The following WDR43 variants were observed in gnomAD, a reference collection of about 807,000 sequenced individuals.
WDR43 encodes WD repeat-containing protein 43.
Under a neutral mutation model 91.4 loss-of-function variants are expected in WDR43, and 13 were observed. The observed-to-expected ratio is 0.14, with a 90% confidence interval of 0.09 to 0.23. The LOEUF (loss-of-function observed/expected upper bound fraction) is 0.23, where lower values mean the gene tolerates loss of function less well. Among genes scored for constraint, WDR43 ranks in the 10% least tolerant of loss-of-function variants. The pLI is 1.00. For missense variants in WDR43, 780 were observed against 809.4 expected, an observed-to-expected ratio of 0.96 and a Z score of 0.44; for synonymous variants, 331 against 287.9, an observed-to-expected ratio of 1.15 and a Z score of -1.51.
At chr2:28,915,027 A>G (rs1670879273) in intron 5 of WDR43, among the ~76,000 whole-genome samples, 1 of 152,208 alleles carries the variant, frequency 6.6e-6, no homozygotes, top group African/African-American at 2.4e-5. Context: ...GCTTGAAAAA[A>G]AAACCACCTT....
intron 11 of WDR43, chr2:28,930,296 A>G (rs1009306832): frequency 3.6e-5 from 12 of 333,042 alleles, no homozygotes; most frequent in African/African-American, 1.9e-4. Context: ...ACTCAGTTTG[A>G]TTCTCTTAAA....
In WDR43 at chr2:28,926,523, G is replaced by T; in HGVS notation, c.1142G>T (p.Trp381Leu). ...TTAGTAAGAGATATTTCAAACTGCTGGGCCCCCAAAGTAGAAACAGCTATA... is the reference window on the plus strand; with the variant it reads ...TTAGTAAGAGATATTTCAAACTGCTTGGCCCCCAAAGTAGAAACAGCTATA... Reference protein sequence around the residue: ...MCLVRDISNCWAPKVETAITK... With the variant: ...MCLVRDISNCLAPKVETAITK... Residue 381 changes from tryptophan to leucine, a missense_variant, in exon 9 of 18, where the codon TGG (tryptophan) becomes TTG (leucine). Physicochemically the swap from Trp to Leu is moderately conservative, Grantham distance 61. Coordinates refer to ENST00000407426, the MANE Select transcript of WDR43 (RefSeq NM_015131.3). 1 of 1,599,442 alleles carries T rather than the reference G, an allele frequency of 6.3e-7. No homozygotes were observed. Among genetic ancestry groups the T allele is most frequent in the East Asian group, 2.2e-5 (1 of 44,588 alleles).
chr2:28,944,900 A>G (rs1217994675), intron 16 of WDR43, among the ~76,000 whole-genome samples: 2 of 152,250 alleles, frequency 1.3e-5, no homozygotes, highest in East Asian at 1.9e-4. Context: ...CACGCTGCAC[A>G]TAACAGGGCG....
chr2:28,927,082 C>T (rs139731773), intron 9 of WDR43: 62 of 519,564 alleles, frequency 1.2e-4, no homozygotes, highest in African/African-American at 6.5e-4. Flanking sequence ...ATGATGACAT[C>T]CATATGGTTT....
chr2:28,918,321 GGT>G (rs10578792), intron 6 of WDR43, among the ~76,000 whole-genome samples: 38,618 of 150,534 alleles, frequency 0.26, 6,039 homozygotes, highest in East Asian at 0.75. Context: ...TCCTAACTAA[GGT>G]GTGTGTGTGT....
chr2:28,918,387 A>C (rs1022545032), intron 6 of WDR43, among the ~76,000 whole-genome samples: 4 of 150,722 alleles, frequency 2.7e-5, no homozygotes, highest in Non-Finnish European at 3.0e-5. Flanking sequence ...CATTTTTTTG[A>C]GACGGAGTTT....
chr2:28,917,328 A>G (rs1439231842), intron 5 of WDR43, among the ~76,000 whole-genome samples: 1 of 152,158 alleles, frequency 6.6e-6, no homozygotes, highest in Non-Finnish European at 1.5e-5. Flanking sequence ...AATAATGACA[A>G]TCAACTGCAT....
intron 3 of WDR43, among the ~76,000 whole-genome samples, chr2:28,911,638 C>CT (rs35435629): frequency 0.17 from 24,081 of 145,106 alleles, 2,322 homozygotes; most frequent in Middle Eastern, 0.26. Flanking sequence ...TGTTACTTGC[C>CT]TTTTTTTTTT....
At chr2:28,915,248 A>T (rs1670883529) in intron 5 of WDR43, among the ~76,000 whole-genome samples, 2 of 152,194 alleles carry the variant, frequency 1.3e-5, no homozygotes, top group Non-Finnish European at 2.9e-5. Context: ...ATAATTCCTA[A>T]TTATGTCTCT....
intron 2 of WDR43, among the ~76,000 whole-genome samples, chr2:28,903,972 T>C (rs1670626227): frequency 6.6e-6 from 1 of 152,016 alleles, no homozygotes; most frequent in Non-Finnish European, 1.5e-5. Context: ...AGCTGGCTCA[T>C]TTTTGTATTT....
intron 2 of WDR43, 23 bp from the exon 3 acceptor site, chr2:28,906,434 ATTT>A (rs36066576): frequency 7.3e-4 from 1,023 of 1,396,026 alleles, no homozygotes; most frequent in East Asian, 4.5e-3. Flanking sequence ...CCAGCCTTAA[ATTT>A]TTTTTTTTTT....
intron 6 of WDR43, among the ~76,000 whole-genome samples, chr2:28,918,729 T>C (rs905509309): frequency 6.6e-6 from 1 of 152,120 alleles, no homozygotes; most frequent in Admixed American, 6.6e-5. Context: ...AAAAAAAGAA[T>C]TTTTCATGTA....
chr2:28,897,492 C>T (rs1670505525), intron 1 of WDR43, among the ~76,000 whole-genome samples: 1 of 152,088 alleles, frequency 6.6e-6, no homozygotes, highest in Non-Finnish European at 1.5e-5. Flanking sequence ...TTTTAGGATC[C>T]TCAGGATCAA....
At chr2:28,931,604 T>G (rs1671245639) in intron 11 of WDR43, among the ~76,000 whole-genome samples, 1 of 152,214 alleles carries the variant, frequency 6.6e-6, no homozygotes, top group Non-Finnish European at 1.5e-5. Context: ...CTTGAAGATC[T>G]AGATCTAGTT....
intron 15 of WDR43, 121 bp from the exon 16 acceptor site, chr2:28,942,191 C>A: frequency 1.2e-6 from 1 of 868,542 alleles, no homozygotes; most frequent in Non-Finnish European, 1.9e-6. Context: ...TGAAGGTCCT[C>A]CATTATGGTG....
At chr2:28,926,937 C>T (rs924733222) in intron 9 of WDR43, 11 of 384,956 alleles carry the variant, frequency 2.9e-5, no homozygotes, top group Admixed American at 1.8e-4. Flanking sequence ...GTAATAAAAC[C>T]GTCATGGGGC....
At chr2:28,913,700 C>T (rs746645499) in intron 4 of WDR43, 1 of 525,878 alleles carries the variant, frequency 1.9e-6, no homozygotes, top group South Asian at 1.4e-5. Flanking sequence ...GGTTTCGACT[C>T]ACTGAGAGTA....
At chr2:28,918,993 C>CA (rs900598800) in intron 6 of WDR43, among the ~76,000 whole-genome samples, 2 of 151,922 alleles carry the variant, frequency 1.3e-5, no homozygotes, top group African/African-American at 2.4e-5. Context: ...TGGTTTAAAA[C>CA]AAAAAAAATT....
In WDR43 at chr2:28,917,975, T is replaced by G. The variant is rs770688535; in HGVS notation, c.829T>G (p.Leu277Val). Residue 277 changes from leucine to valine, a missense_variant, in exon 6 of 18, where the codon TTG becomes GTG. By Grantham distance (32) the Leu-to-Val change is conservative (BLOSUM62 1). Around this residue, in one of 4 missense-constraint regions of WDR43, gnomAD observed 426 missense variants for 467.8 expected, o/e 0.91. Coordinates refer to ENST00000407426, the MANE Select transcript of WDR43 (RefSeq NM_015131.3). ...TDEPVYIDLT[L>V]SENKEEPVKL... ...TGAACCTGTCTATATTGACTTAACT[T>G]TGTCAGAAAACAAAGAAGAGGTAAA... The G allele has an allele frequency of 1.9e-6, 3 of 1,578,544 alleles. No individual in the cohort carries two copies. Among genetic ancestry groups the G allele is most frequent in the Non-Finnish European group, 2.6e-6 (3 of 1,161,446 alleles).
Sources: gnomAD v4.1 joint callset for allele counts (sites outside exome capture counted in the v4.1 genomes callset) on GRCh38, gnomAD v4.1.1 for gene constraint, gnomAD v4.1.1 regional missense constraint, MANE v1.5 for transcripts, NCBI Gene and HGNC (gene_info 2026-07-23, HGNC 2026-07-21) for gene names.